The following NTN4 variants were observed in gnomAD, a reference collection of about 807,000 sequenced individuals.
NTN4 encodes the protein netrin 4.
A neutral mutation model predicts 73.6 loss-of-function variants in NTN4; 32 were observed. The ratio of observed to expected loss-of-function variants is 0.44; its 90% CI spans 0.33 to 0.58. NTN4 has a LOEUF of 0.58. Ranked by LOEUF, NTN4 falls within the 20% of genes least tolerant of loss-of-function variation. The pLI, the probability that NTN4 is intolerant of heterozygous loss-of-function variation, is 0.04. For missense variants in NTN4, 654 were observed against 798.3 expected, an observed-to-expected ratio of 0.82 and a Z score of 2.18; for synonymous variants, 258 against 287.5, an observed-to-expected ratio of 0.90 and a Z score of 1.04.
intron 2 of NTN4, among the ~76,000 whole-genome samples, chr12:95,772,472 C>T (rs1470941270): frequency 1.3e-5 from 2 of 152,206 alleles, no homozygotes; most frequent in Non-Finnish European, 2.9e-5. Flanking sequence ...CATCCAGCTT[C>T]ATAGCTTAAA....
intron 8 of NTN4, among the ~76,000 whole-genome samples, chr12:95,666,470 T>G (rs967763941): frequency 2.6e-5 from 4 of 152,238 alleles, no homozygotes; most frequent in African/African-American, 9.6e-5. Flanking sequence ...TCATTCAGTT[T>G]TGCACTGGCT....
chr12:95,719,562 T>C (rs1165909020), intron 3 of NTN4, among the ~76,000 whole-genome samples: 1 of 152,172 alleles, frequency 6.6e-6, no homozygotes, highest in Admixed American at 6.5e-5. Context: ...TTGTTATTCA[T>C]GAAAAGAAAT....
intron 2 of NTN4, among the ~76,000 whole-genome samples, chr12:95,751,331 T>A (rs888731840): frequency 6.6e-6 from 1 of 151,868 alleles, no homozygotes; most frequent in African/African-American, 2.4e-5. Flanking sequence ...AAAGTTGCAA[T>A]TCCTTGCCTC....
At chr12:95,723,172 ATTGATAAC>A (rs1039085722) in intron 3 of NTN4, among the ~76,000 whole-genome samples, 1 of 151,898 alleles carries the variant, frequency 6.6e-6, no homozygotes, top group Non-Finnish European at 1.5e-5. Flanking sequence ...GACTATCTTT[ATTGATAAC>A]TGTGGACTTT....
intron 2 of NTN4, among the ~76,000 whole-genome samples, chr12:95,742,138 C>G (rs77649004): frequency 0.1 from 15,885 of 152,084 alleles, 2,262 homozygotes; most frequent in African/African-American, 0.33. Flanking sequence ...AAGTCCTGAA[C>G]AGGTGAAAAT....
chr12:95,670,793 GA>G (rs1176132686), intron 7 of NTN4, among the ~76,000 whole-genome samples: 2 of 149,264 alleles, frequency 1.3e-5, no homozygotes, highest in African/African-American at 2.5e-5. Context: ...GGGAAGATGG[GA>G]AAAAACTTCT....
At chr12:95,678,946 A>G (rs943231395) in intron 7 of NTN4, among the ~76,000 whole-genome samples, 1 of 152,190 alleles carries the variant, frequency 6.6e-6, no homozygotes, top group African/African-American at 2.4e-5. Flanking sequence ...TAGCAATAAA[A>G]TCTAAAGGTA....
chr12:95,721,189 G>A (rs1168217476), intron 3 of NTN4, among the ~76,000 whole-genome samples: 2 of 152,158 alleles, frequency 1.3e-5, no homozygotes, highest in Non-Finnish European at 2.9e-5. Context: ...TAAAATTGGT[G>A]TGTCCTCCCA....
At position 95,771,012 on chromosome 12, in the gene NTN4, C is replaced by T. The variant is rs1314370081; in HGVS notation, c.585+15927G>A. The stretch of plus-strand genomic sequence containing the variant: ...AATTTGTTTTTTTTTTTTTTTGAGA[C>T]AGAGTCTCGCTCTGTCGCCCAGGCT... On this transcript the variant is annotated intron_variant, in intron 2 of 9. Transcript: ENST00000343702. Among the ~76,000 whole-genome samples the T allele has an allele frequency of 1.3e-4, 12 of 89,902 alleles. 1 individual carries two copies. The highest frequency in any genetic ancestry group is 6.7e-4 in the African/African-American group (11 of 16,408). The allele number at this position is 89,902 out of a possible 152,430, so 59.0% of individuals were successfully genotyped here. A position where few individuals can be genotyped will look rare whatever the true frequency, so the allele number is the denominator to read the frequency against.
chr12:95,735,953 T>TTTATTTA lies in NTN4; in HGVS notation c.864+1912_864+1913insTAAATAA, dbSNP rs1565901374. 6.9e-5 allele frequency among the ~76,000 whole-genome samples: 9 copies of TTTATTTA among 130,564 alleles called. No individual in the cohort carries two copies. In the South Asian group the frequency reaches 1.4e-3, roughly 20 times the overall value. The allele number at this position is 130,564 out of a possible 152,430, so 85.7% of individuals were successfully genotyped here. A position where few individuals can be genotyped will look rare whatever the true frequency, so the allele number is the denominator to read the frequency against. On this transcript the variant is annotated intron_variant, in intron 3 of 9. Transcript: ENST00000343702. The stretch of plus-strand genomic sequence containing the variant: ...TATTTATTTATTTATTTATTTATTT[T>TTTATTTA]TTTGAGACAGAGTCTTGCTTTGTCA...
chr12:95,725,610 A>G (rs2078688069), intron 3 of NTN4, among the ~76,000 whole-genome samples: 1 of 152,150 alleles, frequency 6.6e-6, no homozygotes, highest in African/African-American at 2.4e-5. Flanking sequence ...GGCACAGGGT[A>G]TTACAAAAGT....
intron 2 of NTN4, among the ~76,000 whole-genome samples, chr12:95,740,518 T>C (rs113173735): frequency 9.9e-5 from 15 of 152,218 alleles, no homozygotes; most frequent in African/African-American, 2.9e-4. Flanking sequence ...GGTTCAAGCA[T>C]ACTTCAGTAT....
intron 5 of NTN4, among the ~76,000 whole-genome samples, chr12:95,684,475 AT>A (rs200316814): frequency 2.2e-4 from 33 of 148,414 alleles, no homozygotes; most frequent in South Asian, 2.2e-4. Context: ...CTTAAAAAAA[AT>A]TTTTTTTTTT....
At chr12:95,665,379 G>A (rs1481268812) in intron 9 of NTN4, among the ~76,000 whole-genome samples, 3 of 152,170 alleles carry the variant, frequency 2.0e-5, no homozygotes, top group East Asian at 1.9e-4. Context: ...AGAAACAGAT[G>A]CTTTTCAAGC....
chr12:95,732,598 T>C (rs997762210), intron 3 of NTN4, among the ~76,000 whole-genome samples: 1 of 152,006 alleles, frequency 6.6e-6, no homozygotes, highest in African/African-American at 2.4e-5. Flanking sequence ...AGACAGGGTT[T>C]TACCGTGTTG....
chr12:95,672,224 G>C (rs2078237792), intron 7 of NTN4: 1 of 602,510 alleles, frequency 1.7e-6, no homozygotes, highest in South Asian at 1.9e-5. Flanking sequence ...GGCGGGGGGA[G>C]GGAGGGGAGG....
At chr12:95,744,278 T>A (rs775222003) in intron 2 of NTN4, among the ~76,000 whole-genome samples, 6 of 152,242 alleles carry the variant, frequency 3.9e-5, no homozygotes, top group Non-Finnish European at 7.3e-5. Flanking sequence ...CTTGGCAATA[T>A]TCTTTGATCT....
intron 2 of NTN4, among the ~76,000 whole-genome samples, chr12:95,779,888 G>A (rs534876969): frequency 4.6e-5 from 7 of 152,150 alleles, no homozygotes; most frequent in South Asian, 2.1e-4. Context: ...GAGGCATCAC[G>A]CTACCTGACT....
chr12:95,677,361 A>G (rs924103503), intron 7 of NTN4, among the ~76,000 whole-genome samples: 1 of 141,188 alleles, frequency 7.1e-6, no homozygotes, highest in African/African-American at 2.5e-5. Flanking sequence ...CTGTGTCTCA[A>G]TGGTTTTATA....
Sources: gnomAD v4.1 joint callset for allele counts (sites outside exome capture counted in the v4.1 genomes callset) on GRCh38, gnomAD v4.1.1 for gene constraint, MANE v1.5 for transcripts, NCBI Gene and HGNC (gene_info 2026-07-23, HGNC 2026-07-21) for gene names.